CYP19A1: variants seen among roughly 807,000 people sequenced by gnomAD.
The protein encoded by CYP19A1 is aromatase.
In CYP19A1, 32 loss-of-function variants were observed where a neutral mutation model predicts 44.4. The ratio of observed to expected loss-of-function variants is 0.72; its 90% CI spans 0.54 to 0.97. The LOEUF (loss-of-function observed/expected upper bound fraction) is 0.97, where lower values mean the gene tolerates loss of function less well. Among genes scored for constraint, CYP19A1 ranks in the 50% least tolerant of loss-of-function variants. The pLI, the probability that CYP19A1 is intolerant of heterozygous loss-of-function variation, is 0.00. For missense variants in CYP19A1, 598 were observed against 637.8 expected (o/e 0.94, Z 0.67); for synonymous variants, 212 against 215.6 (o/e 0.98, Z 0.14).
At chr15:51,229,082 T>G (rs1274811055) in intron 3 of CYP19A1, among the ~76,000 whole-genome samples, 1 of 152,204 alleles carries the variant, frequency 6.6e-6, no homozygotes, top group Non-Finnish European at 1.5e-5. Flanking sequence ...AAAAAAGCGC[T>G]GCTCTGGTTC....
intron 2 of CYP19A1, among the ~76,000 whole-genome samples, chr15:51,239,008 G>A (rs889656793): frequency 3.3e-5 from 5 of 152,040 alleles, no homozygotes; most frequent in South Asian, 2.1e-4. Context: ...TTTCATTTAC[G>A]TGTATATCTT....
intron 1 of CYP19A1, among the ~76,000 whole-genome samples, chr15:51,266,977 C>G (rs540396724): frequency 6.6e-6 from 1 of 152,326 alleles, no homozygotes; most frequent in East Asian, 1.9e-4. Flanking sequence ...TTATTCCACA[C>G]TGGAGAGGAA....
At chr15:51,314,710 C>A (rs2036389391) in intron 1 of CYP19A1, among the ~76,000 whole-genome samples, 1 of 152,228 alleles carries the variant, frequency 6.6e-6, no homozygotes, top group South Asian at 2.1e-4. Context: ...TCTAACTCTT[C>A]TAGAAAGTCC....
intron 1 of CYP19A1, among the ~76,000 whole-genome samples, chr15:51,294,103 G>T: frequency 7.3e-6 from 1 of 137,058 alleles, no homozygotes. Context: ...ATCCTGTCTA[G>T]GAAGTGAGGA....
chr15:51,240,379 A>G (rs2033683303), intron 2 of CYP19A1, among the ~76,000 whole-genome samples: 1 of 152,072 alleles, frequency 6.6e-6, no homozygotes, highest in African/African-American at 2.4e-5. Context: ...ACACAAACAC[A>G]CCAACCTCAC....
intron 1 of CYP19A1, among the ~76,000 whole-genome samples, chr15:51,322,758 G>A (rs1471097560): frequency 2.0e-5 from 3 of 152,124 alleles, no homozygotes; most frequent in Non-Finnish European, 4.4e-5. Flanking sequence ...GGTGGCATTG[G>A]GCCAGCCTCT....
chr15:51,221,655 T>C (rs1347741934), intron 5 of CYP19A1: 1 of 152,224 alleles, frequency 6.6e-6, no homozygotes, highest in East Asian at 1.9e-4. Flanking sequence ...CCTGCCAAAA[T>C]AAAATCAAGT....
chr15:51,243,007 G>A, intron 1 of CYP19A1, 57 bp from the exon 2 acceptor site: 1 of 854,484 alleles, frequency 1.2e-6, no homozygotes, highest in South Asian at 1.3e-5. Flanking sequence ...TTCATCTATA[G>A]CTCCTGTTGC....
chr15:51,274,554 A>G (rs1399561682), intron 1 of CYP19A1, among the ~76,000 whole-genome samples: 1 of 152,220 alleles, frequency 6.6e-6, no homozygotes, highest in Non-Finnish European at 1.5e-5. Flanking sequence ...GTATCTGCCT[A>G]CAAATACCAT....
intron 1 of CYP19A1, among the ~76,000 whole-genome samples, chr15:51,296,064 G>T (rs1440168384): frequency 6.6e-6 from 1 of 152,030 alleles, no homozygotes; most frequent in African/African-American, 2.4e-5. Context: ...AAGCTGGATG[G>T]CAGGGAGGCC....
At chr15:51,317,017 G>C (rs752800951) in intron 1 of CYP19A1, among the ~76,000 whole-genome samples, 1 of 152,136 alleles carries the variant, frequency 6.6e-6, no homozygotes, top group Non-Finnish European at 1.5e-5. Flanking sequence ...GACAGAGGGA[G>C]CATGGGTCCC....
rs117117471 is a variant in CYP19A1 at position 51,249,328 on chromosome 15, T to A, written c.-38-6378A>T. Among the ~76,000 whole-genome samples the A allele has an allele frequency of 2.8e-3, 422 of 152,244 alleles. 3 individuals are homozygous for A. Among genetic ancestry groups the A allele is most frequent in the Non-Finnish European group, 4.5e-3 (306 of 68,002 alleles). The stretch of plus-strand genomic sequence containing the variant: ...TTACCACAACATCTTACCTGCTGAG[T>A]TCTTCCTCCTCCATGTTTCCCTGCT... On this transcript the variant is annotated intron_variant, in intron 1 of 9. Coordinates refer to ENST00000396402, the MANE Select transcript of CYP19A1 (RefSeq NM_000103.4).
chr15:51,318,460 G>A (rs1480833356), intron 1 of CYP19A1: 2 of 152,250 alleles, frequency 1.3e-5, no homozygotes, highest in Non-Finnish European at 2.9e-5. Context: ...CCAGTGCCAG[G>A]GACCTCCTGT....
At chr15:51,287,708 T>A (rs567215202) in intron 1 of CYP19A1, among the ~76,000 whole-genome samples, 4 of 152,312 alleles carry the variant, frequency 2.6e-5, no homozygotes, top group African/African-American at 9.6e-5. Flanking sequence ...AAAGTAATTA[T>A]TCAACTGAGT....
intron 2 of CYP19A1, among the ~76,000 whole-genome samples, chr15:51,239,012 A>G (rs1228225799): frequency 6.6e-6 from 1 of 152,032 alleles, no homozygotes; most frequent in Non-Finnish European, 1.5e-5. Flanking sequence ...ATTTACGTGT[A>G]TATCTTAGGC....
chr15:51,248,337 C>T (rs192728666), intron 1 of CYP19A1, among the ~76,000 whole-genome samples: 1 of 152,226 alleles, frequency 6.6e-6, no homozygotes, highest in Non-Finnish European at 1.5e-5. Context: ...CTTCACGGAG[C>T]TACACACTGG....
At chr15:51,311,445 A>G (rs568052336) in intron 1 of CYP19A1, among the ~76,000 whole-genome samples, 13 of 152,370 alleles carry the variant, frequency 8.5e-5, no homozygotes, top group African/African-American at 3.1e-4. Flanking sequence ...AAAGTGTTTG[A>G]AAAATAATGA....
intron 1 of CYP19A1, among the ~76,000 whole-genome samples, chr15:51,251,826 G>A (rs775823135): frequency 6.6e-6 from 1 of 152,180 alleles, no homozygotes; most frequent in Non-Finnish European, 1.5e-5. Flanking sequence ...CCATAGAGAT[G>A]TCCTAGAGCA....
chr15:51,247,465 T>TTTTA (rs57266263), intron 1 of CYP19A1, among the ~76,000 whole-genome samples: 23 of 139,644 alleles, frequency 1.6e-4, no homozygotes, highest in East Asian at 1.4e-3. Flanking sequence ...TTATTTTTAT[T>TTTTA]TTTATTTATT....
Sources: gnomAD v4.1 joint callset for allele counts (sites outside exome capture counted in the v4.1 genomes callset) on GRCh38, gnomAD v4.1.1 for gene constraint, MANE v1.5 for transcripts, NCBI Gene and HGNC (gene_info 2026-07-23, HGNC 2026-07-21) for gene names.